The following TRIB2 variants were observed in gnomAD, a reference collection of about 807,000 sequenced individuals.
TRIB2 encodes tribbles pseudokinase 2, also known as tribbles homolog 2.
A neutral mutation model predicts 26.8 loss-of-function variants in TRIB2; 2 were observed. The observed-to-expected ratio is 0.07, with a 90% CI of 0.03 to 0.24. The LOEUF is 0.24. Among genes scored for constraint, TRIB2 ranks in the 10% least tolerant of loss-of-function variants. TRIB2 has a pLI of 1.00. For missense variants in TRIB2, 306 were observed against 449.0 expected (o/e 0.68, Z 2.88); for synonymous variants, 189 against 187.3 (o/e 1.01, Z -0.08).
At chr2:12,725,818 A>G (rs1316168458) in intron 2 of TRIB2, among the ~76,000 whole-genome samples, 1 of 152,268 alleles carries the variant, frequency 6.6e-6, no homozygotes, top group Non-Finnish European at 1.5e-5. Flanking sequence ...GCTGGCCTAT[A>G]TAGTCCCTAC....
chr2:12,737,722 A>T (rs1661613531), intron 2 of TRIB2, among the ~76,000 whole-genome samples: 1 of 152,240 alleles, frequency 6.6e-6, no homozygotes, highest in South Asian at 2.1e-4. Flanking sequence ...CAGAATGATA[A>T]AACTGGCAGA....
intron 1 of TRIB2, among the ~76,000 whole-genome samples, chr2:12,723,040 G>T (rs904855994): frequency 1.4e-4 from 22 of 152,132 alleles, no homozygotes; most frequent in African/African-American, 5.3e-4. Context: ...TCAAGTATCA[G>T]TTTCCCATGT....
chr2:12,725,375 G>A (rs1458833063), intron 2 of TRIB2, among the ~76,000 whole-genome samples: 1 of 152,258 alleles, frequency 6.6e-6, no homozygotes, highest in Non-Finnish European at 1.5e-5. Context: ...AGGTTGCATA[G>A]TCTGTGTGGC....
rs1292424309 is a variant in TRIB2 at position 12,718,392 on chromosome 2, T to C, written c.85T>C (p.Ser29Pro). Residue 29 changes from serine (S) to proline (P), a missense_variant, in exon 1 of 3, where the codon TCT becomes CCT. Around this residue, in one of 4 missense-constraint regions of TRIB2, gnomAD observed 99 missense variants for 106.5 expected, o/e 0.93. Coordinates refer to ENST00000155926, the MANE Select transcript of TRIB2 (RefSeq NM_021643.4). This position sits in a 1 kb window ranked among gnomAD's most constrained non-coding sequence, Gnocchi z 4.0. ...NKTQDFEELS[S>P]IRSAEPSQSF... ...AACCCAGGATTTCGAAGAGTTGTCGTCTATAAGGTCCGCGGAGCCCAGCCA... is the reference window on the plus strand; with the variant it reads ...AACCCAGGATTTCGAAGAGTTGTCGCCTATAAGGTCCGCGGAGCCCAGCCA... 6.2e-7 allele frequency: 1 copy of C among 1,614,112 alleles called. No homozygotes were observed.
chr2:12,740,253 G>C lies in TRIB2; in HGVS notation c.564-73G>C, dbSNP rs1661684924. 5 of 1,392,074 alleles carry C rather than the reference G, an allele frequency of 3.6e-6. No homozygotes were observed. Among genetic ancestry groups the C allele is most frequent in the Non-Finnish European group, 5.0e-6 (5 of 1,000,926 alleles). The allele number at this position is 1,392,074 out of a possible 1,614,324, so 86.2% of individuals were successfully genotyped here. A position where few individuals can be genotyped will look rare whatever the true frequency, so the allele number is the denominator to read the frequency against. ...GGAGTCTTCAGAAACACTATAGTCG[G>C]TTATGTTATGATGCTGGTGGTAACG... On this transcript the variant is annotated intron_variant, in intron 2 of 2. Coordinates refer to ENST00000155926, the MANE Select transcript of TRIB2 (RefSeq NM_021643.4). This position sits in a 1 kb window ranked among gnomAD's most constrained non-coding sequence, Gnocchi z 5.8.
chr2:12,736,694 C>T (rs146855992), intron 2 of TRIB2, among the ~76,000 whole-genome samples: 1 of 152,304 alleles, frequency 6.6e-6, no homozygotes, highest in East Asian at 1.9e-4. Flanking sequence ...CGTCTAGGTA[C>T]TCAAGGTACA....
intron 2 of TRIB2, among the ~76,000 whole-genome samples, chr2:12,737,788 C>T (rs1198260189): frequency 6.6e-6 from 1 of 152,102 alleles, no homozygotes; most frequent in East Asian, 1.9e-4. Context: ...GTACTTAATG[C>T]CAATGAAGTA....
chr2:12,740,404 C>T lies in TRIB2; in HGVS notation c.642C>T (p.Gly214=), dbSNP rs367792158. ...ATGATTCCCTCTCCGACAAGCATGG[C>T]TGCCCGGCTTACGTAAGCCCAGAGA... ...GDDDSLSDKH[G]CPAYVSPEIL... The change falls in exon 3 of 3, where the codon GGC becomes GGT. Residue 214 remains glycine, a synonymous_variant. Coordinates refer to ENST00000155926, the MANE Select transcript of TRIB2 (RefSeq NM_021643.4). The surrounding 1 kb of genome is among the most constrained non-coding windows in gnomAD (Gnocchi z 5.8). The T allele has an allele frequency of 4.6e-5, 75 of 1,614,056 alleles. No individual in the cohort carries two copies. Among genetic ancestry groups the T allele is most frequent in the Non-Finnish European group, 5.8e-5 (69 of 1,180,034 alleles).
At chr2:12,725,028 A>G (rs1338316653) in intron 2 of TRIB2, among the ~76,000 whole-genome samples, 3 of 152,220 alleles carry the variant, frequency 2.0e-5, no homozygotes, top group Admixed American at 6.5e-5. Flanking sequence ...TGTCCATTGT[A>G]TAGACGAGAG....
At chr2:12,723,622 C>G in intron 2 of TRIB2, 70 bp downstream of exon 2, 1 of 1,524,934 alleles carries the variant, frequency 6.6e-7, no homozygotes, top group East Asian at 2.3e-5. Flanking sequence ...CTAGAAAAGT[C>G]TTGAATGGAC....
chr2:12,717,508 G>A lies in TRIB2; in HGVS notation c.-800G>A. On this transcript the variant is annotated 5_prime_UTR_variant, in exon 1 of 3. Coordinates refer to ENST00000155926, the MANE Select transcript of TRIB2 (RefSeq NM_021643.4). The surrounding 1 kb of genome is among the most constrained non-coding windows in gnomAD (Gnocchi z 4.8). ...GGGCCGAGCCCAGGGCTTTGTCGCG[G>A]TACCTGCGCCCAGCCCGCGCCGCAA... 5.0e-6 allele frequency: 2 copies of A among 398,416 alleles called. No homozygotes were observed. Among genetic ancestry groups the A allele is most frequent in the Non-Finnish European group, 8.9e-6 (2 of 225,888 alleles). The allele number at this position is 398,416 out of a possible 1,614,324, so 24.7% of individuals were successfully genotyped here.
At position 12,723,450 on chromosome 2, in the gene TRIB2, G is replaced by A. The variant is rs1313320132; in HGVS notation, c.461G>A (p.Arg154Lys). 6.2e-7 allele frequency: 1 copy of A among 1,614,226 alleles called. No individual in the cohort carries two copies. Among genetic ancestry groups the A allele is most frequent in the Non-Finnish European group, 8.5e-7 (1 of 1,180,038 alleles). ...CKKLREEEAA[R>K]LFYQIASAVA... ...AAGCTGAGAGAGGAGGAGGCAGCCA[G>A]ACTGTTCTACCAGATTGCCTCGGCA... is the stretch of plus-strand genomic sequence containing the variant. Residue 154 changes from arginine to lysine, a missense_variant, in exon 2 of 3, where the codon AGA becomes AAA. By Grantham distance (26) the Arg-to-Lys change is conservative. Coordinates refer to ENST00000155926, the MANE Select transcript of TRIB2 (RefSeq NM_021643.4).
At chr2:12,739,722 C>G (rs950922775) in intron 2 of TRIB2, among the ~76,000 whole-genome samples, 3 of 152,224 alleles carry the variant, frequency 2.0e-5, no homozygotes, top group African/African-American at 7.2e-5. Context: ...CTCCATTTCC[C>G]AGCTAACAGG....
chr2:12,724,777 T>C (rs1350521773), intron 2 of TRIB2: 1 of 1,612,580 alleles, frequency 6.2e-7, no homozygotes, highest in Non-Finnish European at 8.5e-7. Context: ...CTGTATTGGC[T>C]CTAAGGTCTT....
Position 12,740,732 on chromosome 2 carries a change from G to C in TRIB2, c.970G>C (p.Val324Leu). ...VSNSAYGAKE[V>L]SDQLVPDVNM... ...GAATTCAGCATATGGTGCTAAGGAA[G>C]TGTCTGACCAGCTGGTGCCGGACGT... The change falls in exon 3 of 3, where the codon GTG becomes CTG. Residue 324 changes from valine to leucine, a missense_variant. Physicochemically the swap from Val to Leu is conservative, Grantham distance 32. Coordinates refer to ENST00000155926, the MANE Select transcript of TRIB2 (RefSeq NM_021643.4). This position sits in a 1 kb window ranked among gnomAD's most constrained non-coding sequence, Gnocchi z 5.8. The C allele has an allele frequency of 1.2e-6, 2 of 1,614,226 alleles. No homozygotes were observed. Among genetic ancestry groups the C allele is most frequent in the Non-Finnish European group, 1.7e-6 (2 of 1,180,048 alleles).
At chr2:12,738,062 T>C (rs552203902) in intron 2 of TRIB2, among the ~76,000 whole-genome samples, 1 of 152,330 alleles carries the variant, frequency 6.6e-6, no homozygotes, top group African/African-American at 2.4e-5. Context: ...TAGTCACTCC[T>C]TGAGCTTTGA....
rs1661694206 is a variant in TRIB2 at position 12,740,734 on chromosome 2, G to A, written c.972G>A (p.Val324=). 1 of 1,614,100 alleles carries A rather than the reference G, an allele frequency of 6.2e-7. No individual in the cohort carries two copies. The highest frequency in any genetic ancestry group is 1.7e-5 in the Admixed American group (1 of 60,000). ...VSNSAYGAKE[V]SDQLVPDVNM... is the part of the protein sequence containing the mutation. ...ATTCAGCATATGGTGCTAAGGAAGT[G>A]TCTGACCAGCTGGTGCCGGACGTCA... The change falls in exon 3 of 3, where the codon GTG becomes GTA. Residue 324 remains valine, a synonymous_variant. Transcript: ENST00000155926. The surrounding 1 kb of genome is among the most constrained non-coding windows in gnomAD (Gnocchi z 5.8).
chr2:12,724,806 G>T (rs1313989464), intron 2 of TRIB2: 19 of 1,611,862 alleles, frequency 1.2e-5, no homozygotes, highest in Admixed American at 6.7e-5. Flanking sequence ...ATAATAAATT[G>T]GTGTATGTGC....
chr2:12,718,825 G>A lies in TRIB2; in HGVS notation c.270+248G>A, dbSNP rs1186593916. Among the ~76,000 whole-genome samples the A allele has an allele frequency of 6.6e-6, 1 of 152,156 alleles. No homozygotes were observed. The highest frequency in any genetic ancestry group is 1.5e-5 in the Non-Finnish European group (1 of 68,028). ...GGAGGAGAGGGCGGCGGGACTGCGC[G>A]GGGGCCACGGACACGCGTGCACCGA... is the stretch of plus-strand genomic sequence containing the variant. On this transcript the variant is annotated intron_variant, in intron 1 of 2. Transcript: ENST00000155926. The surrounding 1 kb of genome is among the most constrained non-coding windows in gnomAD (Gnocchi z 4.0).
Sources: allele counts gnomAD v4.1 joint callset (sites outside exome capture counted in the v4.1 genomes callset), GRCh38; gene constraint gnomAD v4.1.1; regional missense constraint gnomAD v4.1.1; non-coding constraint Gnocchi (gnomAD v3.1); transcripts MANE v1.5; gene names NCBI Gene and HGNC (gene_info 2026-07-23, HGNC 2026-07-21).